Variants in MACROD2 observed in about 807,000 individuals in gnomAD.
MACROD2 encodes the protein ADP-ribose glycohydrolase MACROD2.
In MACROD2, 36 loss-of-function variants were observed where a neutral mutation model predicts 70.4. That is an observed-to-expected ratio of 0.51 (90% CI 0.39 to 0.68). The LOEUF (loss-of-function observed/expected upper bound fraction) is 0.68, where lower values mean the gene tolerates loss of function less well. Ranked by LOEUF, MACROD2 falls within the 30% of genes least tolerant of loss-of-function variation. The pLI, the probability that MACROD2 is intolerant of heterozygous loss-of-function variation, is 0.00. For synonymous variants in MACROD2, 172 were observed against 178.8 expected (o/e 0.96, Z 0.30); for missense variants, 496 against 538.4 (o/e 0.92, Z 0.78).
intron 8 of MACROD2, among the ~76,000 whole-genome samples, chr20:15,602,170 A>G (rs1475226172): frequency 6.6e-6 from 1 of 152,208 alleles, no homozygotes. Context: ...GGGAGTGTTA[A>G]GCTGGAGCTA....
At chr20:14,162,509 G>C (rs2055205089) in intron 3 of MACROD2, among the ~76,000 whole-genome samples, 1 of 152,076 alleles carries the variant, frequency 6.6e-6, no homozygotes, top group African/African-American at 2.4e-5. Context: ...CACTATTTAG[G>C]TCTAATAGTA....
chr20:15,747,108 G>A (rs1020228890), intron 8 of MACROD2, among the ~76,000 whole-genome samples: 3 of 152,094 alleles, frequency 2.0e-5, no homozygotes, highest in Non-Finnish European at 4.4e-5. Flanking sequence ...ATTGAGTACT[G>A]AGTCAGAGTG....
intron 6 of MACROD2, among the ~76,000 whole-genome samples, chr20:15,276,683 A>G (rs2077396480): frequency 6.6e-6 from 1 of 152,182 alleles, no homozygotes; most frequent in South Asian, 2.1e-4. Context: ...TAAATCAAAT[A>G]TAATTATCTA....
chr20:14,607,693 A>G (rs974592118), intron 4 of MACROD2, among the ~76,000 whole-genome samples: 1 of 152,200 alleles, frequency 6.6e-6, no homozygotes, highest in Non-Finnish European at 1.5e-5. Context: ...CCTTTGTTAT[A>G]ACGCTACATG....
At chr20:15,829,424 G>A (rs1025101737) in intron 8 of MACROD2, among the ~76,000 whole-genome samples, 3 of 152,034 alleles carry the variant, frequency 2.0e-5, no homozygotes, top group African/African-American at 7.2e-5. Context: ...TGGAAAACAT[G>A]GATCTAAAAA....
intron 5 of MACROD2, among the ~76,000 whole-genome samples, chr20:15,081,994 G>T (rs2075707279): frequency 6.6e-6 from 1 of 152,284 alleles, no homozygotes; most frequent in East Asian, 1.9e-4. Flanking sequence ...ATGCCTGGGA[G>T]GCGTGGACCA....
intron 3 of MACROD2, among the ~76,000 whole-genome samples, chr20:14,336,321 GA>G (rs894729997): frequency 3.5e-4 from 52 of 147,976 alleles, no homozygotes; most frequent in African/African-American, 9.9e-4. Context: ...ACTAAAAATT[GA>G]AAAAAAAATC....
At chr20:14,839,048 G>A (rs1347774558) in intron 5 of MACROD2, among the ~76,000 whole-genome samples, 1 of 152,036 alleles carries the variant, frequency 6.6e-6, no homozygotes, top group Non-Finnish European at 1.5e-5. Flanking sequence ...TAATGACCTT[G>A]GGAACGTTTA....
chr20:15,910,512 A>T (rs1244892783), intron 10 of MACROD2, among the ~76,000 whole-genome samples: 3 of 151,936 alleles, frequency 2.0e-5, no homozygotes, highest in Non-Finnish European at 4.4e-5. Flanking sequence ...AAAGTGGAGG[A>T]TGTAAAAGAA....
intron 5 of MACROD2, among the ~76,000 whole-genome samples, chr20:14,847,227 T>C (rs1431951929): frequency 6.6e-6 from 1 of 152,212 alleles, no homozygotes; most frequent in Non-Finnish European, 1.5e-5. Flanking sequence ...CAGTGAACTC[T>C]AATGAGTTTA....
At chr20:14,119,382 T>C (rs1601244738) in intron 3 of MACROD2, among the ~76,000 whole-genome samples, 2 of 151,496 alleles carry the variant, frequency 1.3e-5, no homozygotes, top group African/African-American at 4.9e-5. Context: ...TTGGCCAGGC[T>C]GGTCTCAAAC....
intron 2 of MACROD2, among the ~76,000 whole-genome samples, chr20:14,030,494 T>C (rs1039528796): frequency 4.6e-5 from 7 of 152,084 alleles, no homozygotes; most frequent in Non-Finnish European, 1.0e-4. Context: ...CTGCAACCTC[T>C]GCCTCCCGGG....
intron 8 of MACROD2, among the ~76,000 whole-genome samples, chr20:15,660,734 A>G (rs983333935): frequency 2.0e-5 from 3 of 152,232 alleles, no homozygotes; most frequent in African/African-American, 7.2e-5. Flanking sequence ...CAGGACCCAC[A>G]GGCATGAACT....
chr20:14,360,407 TG>T (rs1267382640), intron 3 of MACROD2, among the ~76,000 whole-genome samples: 18 of 152,260 alleles, frequency 1.2e-4, no homozygotes, highest in African/African-American at 3.4e-4. Context: ...AAACAAGTAA[TG>T]TTTTTTTAAA....
chr20:14,104,915 G>A (rs753303585), intron 3 of MACROD2, among the ~76,000 whole-genome samples: 1 of 152,188 alleles, frequency 6.6e-6, no homozygotes, highest in Non-Finnish European at 1.5e-5. Flanking sequence ...CTGTAGTTCA[G>A]TTCTTGTAAT....
At chr20:16,027,807 G>C (rs889335325) in intron 15 of MACROD2, among the ~76,000 whole-genome samples, 3 of 152,180 alleles carry the variant, frequency 2.0e-5, no homozygotes, top group Non-Finnish European at 4.4e-5. Flanking sequence ...TGATGGGGTG[G>C]AGGGGAGTGT....
chr20:15,181,433 A>C (rs542198686), intron 5 of MACROD2, among the ~76,000 whole-genome samples: 2 of 152,210 alleles, frequency 1.3e-5, no homozygotes, highest in Non-Finnish European at 2.9e-5. Flanking sequence ...ACTCTGGATT[A>C]ATATTGTCAT....
At chr20:14,022,970 C>T (rs1462627023) in intron 2 of MACROD2, among the ~76,000 whole-genome samples, 1 of 152,188 alleles carries the variant, frequency 6.6e-6, no homozygotes, top group Non-Finnish European at 1.5e-5. Flanking sequence ...ATTGCTGGGC[C>T]AAATGATATT....
chr20:15,359,865 G>T (rs1032957862), intron 6 of MACROD2, among the ~76,000 whole-genome samples: 3 of 152,086 alleles, frequency 2.0e-5, no homozygotes, highest in Middle Eastern at 3.2e-3. Flanking sequence ...CTAGGAAATT[G>T]ACATTGGTAA....
Sources: allele counts gnomAD v4.1 joint callset (sites outside exome capture counted in the v4.1 genomes callset), GRCh38; gene constraint gnomAD v4.1.1; transcripts MANE v1.5; gene names NCBI Gene and HGNC (gene_info 2026-07-23, HGNC 2026-07-21).